Variants in RUBCN observed in about 807,000 individuals in gnomAD.
The protein encoded by RUBCN is rubicon autophagy regulator, also known as run domain Beclin-1-interacting and cysteine-rich domain-containing protein.
RUBCN carries 74 observed loss-of-function variants against 113.2 expected under a neutral mutation model. The observed-to-expected ratio is 0.65, with a 90% CI of 0.54 to 0.79. The LOEUF is 0.79. RUBCN is among the 30% of genes least tolerant of loss of function. RUBCN has a pLI of 0.00. For synonymous variants in RUBCN, 480 were observed against 490.0 expected (o/e 0.98, Z 0.27); for missense variants, 1,109 against 1,251.7 (o/e 0.89, Z 1.72).
At position 197,674,931 on chromosome 3, in the gene RUBCN, G is replaced by T; in HGVS notation, c.*87C>A. ...ATTAAAAAAAAAAAAAAAAAAAGAAGCCCCAGGTGGGGCGAGTCCTTCAAA... is the reference window on the plus strand; with the variant it reads ...ATTAAAAAAAAAAAAAAAAAAAGAATCCCCAGGTGGGGCGAGTCCTTCAAA... On this transcript the variant is annotated 3_prime_UTR_variant, in exon 20 of 20. Transcript: ENST00000296343. 2.9e-6 allele frequency: 2 copies of T among 687,704 alleles called. No individual in the cohort carries two copies. The highest frequency in any genetic ancestry group is 4.4e-6 in the Non-Finnish European group (2 of 457,228). 42.6% of individuals were successfully genotyped at this position (687,704 alleles called of 1,614,324 possible). A position where few individuals can be genotyped will look rare whatever the true frequency, so the allele number is the denominator to read the frequency against.
intron 11 of RUBCN, among the ~76,000 whole-genome samples, chr3:197,687,012 G>A (rs1286341379): frequency 1.3e-5 from 2 of 152,202 alleles, no homozygotes; most frequent in Non-Finnish European, 1.5e-5. Flanking sequence ...GGTATTGAAC[G>A]ATCAGAGAAG....
At chr3:197,740,210 T>C (rs1204941999), upstream of RUBCN, among the ~76,000 whole-genome samples, 1 of 147,830 alleles carries the variant, frequency 6.8e-6, no homozygotes, top group African/African-American at 2.4e-5. Flanking sequence ...CCCTCTACTT[T>C]CCCTCATAAT....
chr3:197,718,477 C>A (rs1392756309), intron 1 of RUBCN, among the ~76,000 whole-genome samples: 2 of 152,072 alleles, frequency 1.3e-5, no homozygotes, highest in Non-Finnish European at 2.9e-5. Context: ...TTTTGAGACA[C>A]TTAACTCTGT....
chr3:197,700,805 TGGA>T lies in RUBCN; in HGVS notation c.1066_1068del (p.Ser359del), dbSNP rs371317367. On this transcript the variant is annotated inframe_deletion, in exon 7 of 20. Transcript: ENST00000296343. ...GCAGAATCTGGCTTCTGGGAGCTGC[TGGA>T]GGAGAACAAATTGGAACTGCTGCTC... 4.9e-4 allele frequency: 790 copies of T among 1,614,154 alleles called. 1 individual carries two copies. The highest frequency in any genetic ancestry group is 4.4e-4 in the Non-Finnish European group (525 of 1,180,028).
rs915347627 is a variant in RUBCN, at chr3:197,714,771, C to T, written c.219+3206G>A. 2.6e-5 allele frequency among the ~76,000 whole-genome samples: 4 copies of T among 152,004 alleles called. No individual in the cohort carries two copies. In the East Asian group the frequency reaches 7.7e-4, roughly 29 times the overall value. ...AGGCCCTGACAGGGGATGACATGAGCGAGAACACACAATTATGCCTGTATT... is the reference window on the plus strand; with the variant it reads ...AGGCCCTGACAGGGGATGACATGAGTGAGAACACACAATTATGCCTGTATT... On this transcript the variant is annotated intron_variant, in intron 2 of 19. Coordinates refer to ENST00000296343, the MANE Select transcript of RUBCN (RefSeq NM_014687.4).
Position 197,681,914 on chromosome 3 carries a change from G to C in RUBCN, c.2127-15C>G, listed in dbSNP as rs756872010. ...CAATTTTCCTCCTGAGGAAGGGTAA[G>C]GACAGGGCATTGGCACAGAGCAGCT... On this transcript the variant is annotated splice_polypyrimidine_tract_variant and intron_variant, in intron 14 of 19. Transcript: ENST00000296343. This position sits in a 1 kb window ranked among gnomAD's most constrained non-coding sequence, Gnocchi z 5.5. The C allele has an allele frequency of 1.2e-6, 2 of 1,611,602 alleles. No individual in the cohort carries two copies. Among genetic ancestry groups the C allele is most frequent in the East Asian group, 4.5e-5 (2 of 44,866 alleles).
chr3:197,712,304 G>A (rs1214608327), intron 2 of RUBCN, among the ~76,000 whole-genome samples: 1 of 152,106 alleles, frequency 6.6e-6, no homozygotes, highest in African/African-American at 2.4e-5. Flanking sequence ...CTAAGAATAC[G>A]ATCATGATGT....
chr3:197,720,504 T>A (rs1219925074), intron 1 of RUBCN, among the ~76,000 whole-genome samples: 1 of 152,004 alleles, frequency 6.6e-6, no homozygotes, highest in African/African-American at 2.4e-5. Context: ...GCCTCCCAGG[T>A]TCAAGCGATT....
At chr3:197,742,981 G>A (rs1465217755) in intron 1 of RUBCN, among the ~76,000 whole-genome samples, 4 of 152,228 alleles carry the variant, frequency 2.6e-5, no homozygotes, top group Admixed American at 2.6e-4. Context: ...TCCCTAGGGA[G>A]GGCAAGGCCT....
chr3:197,700,475 C>G, intron 7 of RUBCN, 138 bp downstream of exon 7: 1 of 792,096 alleles, frequency 1.3e-6, no homozygotes, highest in South Asian at 1.7e-5. Context: ...TTATAAACTT[C>G]TTTCATTACA....
At chr3:197,727,102 G>A (rs1726849608) in intron 1 of RUBCN, among the ~76,000 whole-genome samples, 1 of 151,872 alleles carries the variant, frequency 6.6e-6, no homozygotes, top group African/African-American at 2.4e-5. Flanking sequence ...ACCATGCCCA[G>A]CTAATTTTTG....
At chr3:197,744,546 C>G (rs895909223) in intron 1 of RUBCN, among the ~76,000 whole-genome samples, 2 of 152,174 alleles carry the variant, frequency 1.3e-5, no homozygotes, top group Non-Finnish European at 2.9e-5. Flanking sequence ...TAGCATCATA[C>G]TTAATGTTGA....
At chr3:197,743,340 G>A (rs1290967979) in intron 1 of RUBCN, among the ~76,000 whole-genome samples, 1 of 151,052 alleles carries the variant, frequency 6.6e-6, no homozygotes, top group Non-Finnish European at 1.5e-5. Flanking sequence ...GTTTCTTAAG[G>A]GCAGCAGCTA....
At chr3:197,717,360 T>C (rs1297088951) in intron 2 of RUBCN, among the ~76,000 whole-genome samples, 2 of 149,430 alleles carry the variant, frequency 1.3e-5, no homozygotes, top group Admixed American at 6.7e-5. Context: ...AGGAGAATGC[T>C]GTGAACCCGG....
At position 197,695,889 on chromosome 3, in the gene RUBCN, C is replaced by T. The variant is rs368247993; in HGVS notation, c.1450G>A (p.Gly484Ser). The T allele has an allele frequency of 7.4e-6, 12 of 1,614,126 alleles. No homozygotes were observed. The South Asian group carries it at 7.7e-5, about 10-fold the overall frequency. Residue 484 changes from glycine to serine, a missense_variant, in exon 9 of 20, where the codon GGC becomes AGC. Physicochemically the swap from Gly to Ser is moderately conservative, Grantham distance 56. Coordinates refer to ENST00000296343, the MANE Select transcript of RUBCN (RefSeq NM_014687.4). ...ACCTTTTCCAGGTCGGCACAGCTGCCGAAGTCTTGCTCAGAGAGGTAGCTG... is the reference window on the plus strand; with the variant it reads ...ACCTTTTCCAGGTCGGCACAGCTGCTGAAGTCTTGCTCAGAGAGGTAGCTG... Reference protein sequence around the residue: ...LISYLSEQDFGSCADLEKENA... With the variant: ...LISYLSEQDFSSCADLEKENA...
chr3:197,682,744 G>A (rs1721391897), intron 13 of RUBCN, 129 bp from the exon 14 acceptor site: 1 of 1,229,848 alleles, frequency 8.1e-7, no homozygotes, highest in Non-Finnish European at 1.2e-6. Flanking sequence ...GGACGGGCTT[G>A]AGAAACAGAA....
At chr3:197,728,237 A>G (rs750451689) in intron 1 of RUBCN, among the ~76,000 whole-genome samples, 1 of 152,064 alleles carries the variant, frequency 6.6e-6, no homozygotes, top group African/African-American at 2.4e-5. Flanking sequence ...CCCTTCAAAA[A>G]ACAAAAACAG....
At chr3:197,677,403 CAA>C in intron 17 of RUBCN, 75 bp downstream of exon 17, 2 of 1,264,262 alleles carry the variant, frequency 1.6e-6, no homozygotes, top group Non-Finnish European at 2.3e-6. Context: ...CGTTACATAA[CAA>C]GAGCCAAGCG....
intron 11 of RUBCN, among the ~76,000 whole-genome samples, chr3:197,684,756 A>G (rs962860694): frequency 6.6e-6 from 1 of 151,942 alleles, no homozygotes; most frequent in African/African-American, 2.4e-5. Flanking sequence ...GTATATATAT[A>G]CATATATAAA....
Sources: gnomAD v4.1 joint callset for allele counts (sites outside exome capture counted in the v4.1 genomes callset) on GRCh38, gnomAD v4.1.1 for gene constraint, Gnocchi (gnomAD v3.1) non-coding constraint, MANE v1.5 for transcripts, NCBI Gene and HGNC (gene_info 2026-07-23, HGNC 2026-07-21) for gene names.